CELF2: variants seen among roughly 807,000 people sequenced by gnomAD.
The protein encoded by CELF2 is CUG triplet repeat RNA-binding protein 2.
In CELF2, 8 loss-of-function variants were observed where a neutral mutation model predicts 62.6. That is an observed-to-expected ratio of 0.13 (90% CI 0.07 to 0.23). The LOEUF (loss-of-function observed/expected upper bound fraction) is 0.23, where lower values mean the gene tolerates loss of function less well. CELF2 is among the 10% of genes least tolerant of loss of function. CELF2 has a pLI of 1.00. For synonymous variants in CELF2, 258 were observed against 250.0 expected (o/e 1.03, Z -0.30); for missense variants, 333 against 671.0 (o/e 0.50, Z 5.56).
At chr10:11,225,231 G>A (rs1469693956) in intron 3 of CELF2, among the ~76,000 whole-genome samples, 2 of 151,956 alleles carry the variant, frequency 1.3e-5, no homozygotes, top group African/African-American at 4.8e-5. Context: ...GGGACACTGT[G>A]ACAAAGGCTC....
the CELF2 span, among the ~76,000 whole-genome samples, chr10:10,659,518 C>T: frequency 6.6e-6 from 1 of 152,146 alleles, no homozygotes; most frequent in African/African-American, 2.4e-5. Context: ...AATCGCTCCT[C>T]TTATTATGGG....
chr10:11,262,242 T>C (rs1047123480), intron 5 of CELF2, among the ~76,000 whole-genome samples: 3 of 152,308 alleles, frequency 2.0e-5, no homozygotes, highest in East Asian at 1.9e-4. Context: ...TTTTGTCATA[T>C]CTGATCAGAA....
chr10:10,500,984 T>C, the CELF2 span, among the ~76,000 whole-genome samples: 1 of 152,246 alleles, frequency 6.6e-6, no homozygotes, highest in African/African-American at 2.4e-5. Context: ...TAGTATTCCA[T>C]GGTACGGATG....
the CELF2 span, among the ~76,000 whole-genome samples, chr10:10,462,891 T>C: frequency 6.6e-6 from 1 of 152,102 alleles, no homozygotes; most frequent in African/African-American, 2.4e-5. Context: ...GTTGATTGTT[T>C]GGAGTTGCGG....
At chr10:10,466,023 A>G in the CELF2 span, among the ~76,000 whole-genome samples, 1 of 152,144 alleles carries the variant, frequency 6.6e-6, no homozygotes, top group African/African-American at 2.4e-5. Context: ...TGCTTCTTAC[A>G]TGTGATCCAA....
chr10:10,872,838 G>T (rs2060839794), intron 1 of CELF2, among the ~76,000 whole-genome samples: 1 of 152,322 alleles, frequency 6.6e-6, no homozygotes, highest in East Asian at 1.9e-4. Flanking sequence ...ATGGAGCAAT[G>T]TTTTGTGCCT....
At chr10:10,806,082 G>C (rs995595147) in intron 1 of CELF2, among the ~76,000 whole-genome samples, 1 of 152,178 alleles carries the variant, frequency 6.6e-6, no homozygotes, top group Admixed American at 6.5e-5. Flanking sequence ...GAAGGGCAAT[G>C]GCAGTCAGAC....
the CELF2 span, among the ~76,000 whole-genome samples, chr10:10,508,692 G>A: frequency 1.2e-5 from 1 of 82,718 alleles, no homozygotes; most frequent in Non-Finnish European, 2.5e-5. Context: ...GTGTGTGTGT[G>A]TGTGTGTGTG....
the CELF2 span, among the ~76,000 whole-genome samples, chr10:10,723,627 C>T: frequency 6.6e-6 from 1 of 152,090 alleles, no homozygotes; most frequent in African/African-American, 2.4e-5. Flanking sequence ...AAGCACATAA[C>T]TCCACCACTT....
At chr10:10,804,414 A>G (rs2054991737) in intron 1 of CELF2, among the ~76,000 whole-genome samples, 1 of 152,248 alleles carries the variant, frequency 6.6e-6, no homozygotes, top group South Asian at 2.1e-4. Flanking sequence ...GACTAGCAGG[A>G]AAATAGAAGT....
chr10:10,480,078 G>A, the CELF2 span, among the ~76,000 whole-genome samples: 11 of 152,204 alleles, frequency 7.2e-5, no homozygotes, highest in African/African-American at 2.6e-4. Context: ...GACTTCAGCG[G>A]GTCTTCGGAA....
intron 1 of CELF2, among the ~76,000 whole-genome samples, chr10:11,132,463 A>T (rs923255097): frequency 6.6e-6 from 1 of 152,220 alleles, no homozygotes; most frequent in Non-Finnish European, 1.5e-5. Context: ...CAACCAAGGG[A>T]TACAAATTAA....
intron 3 of CELF2, among the ~76,000 whole-genome samples, chr10:11,221,230 A>G (rs561264258): frequency 5.9e-5 from 9 of 152,198 alleles, no homozygotes; most frequent in Non-Finnish European, 1.2e-4. Context: ...TGATATGTCA[A>G]TTTGGGGTTA....
intron 1 of CELF2, among the ~76,000 whole-genome samples, chr10:10,891,293 C>A (rs1023800048): frequency 6.6e-6 from 1 of 152,124 alleles, no homozygotes; most frequent in African/African-American, 2.4e-5. Context: ...GAGCAAGCAA[C>A]ACTAACTTAG....
chr10:11,081,581 G>C (rs896760411), intron 1 of CELF2, among the ~76,000 whole-genome samples: 1 of 152,014 alleles, frequency 6.6e-6, no homozygotes, highest in African/African-American at 2.4e-5. Flanking sequence ...GAAGAGTTGA[G>C]ATAGAAAAAA....
intron 7 of CELF2, among the ~76,000 whole-genome samples, chr10:11,272,852 C>T (rs2084359950): frequency 6.6e-6 from 1 of 152,182 alleles, no homozygotes; most frequent in South Asian, 2.1e-4. Context: ...CAGGTATTTC[C>T]ACTTACCTCA....
rs1042357863 is a variant in CELF2, at chr10:11,086,579, A to T, written c.74+68416A>T. On this transcript the variant is annotated intron_variant, in intron 1 of 12. Transcript: ENST00000633077. ...ATCCATGTCTCCATTTGCATTTGTT[A>T]AAAAAAAAAAAAAAAAAAAAAAAAA... is the stretch of plus-strand genomic sequence containing the variant. 4.0e-3 allele frequency among the ~76,000 whole-genome samples: 103 copies of T among 25,704 alleles called. 1 individual carries two copies. The highest frequency in any genetic ancestry group is 0.021 in the Middle Eastern group (1 of 48). The allele number at this position is 25,704 out of a possible 152,430, so 16.9% of individuals were successfully genotyped here.
At chr10:10,778,728 A>C in the CELF2 span, among the ~76,000 whole-genome samples, 2 of 152,228 alleles carry the variant, frequency 1.3e-5, no homozygotes, top group East Asian at 1.9e-4. Context: ...ATAAATTTTT[A>C]AGACCAAAAA....
At chr10:10,729,084 T>C in the CELF2 span, among the ~76,000 whole-genome samples, 3 of 152,172 alleles carry the variant, frequency 2.0e-5, no homozygotes, top group African/African-American at 7.2e-5. Flanking sequence ...AAAATATCAA[T>C]GACAGATGTA....
Sources: gnomAD v4.1 joint callset for allele counts (sites outside exome capture counted in the v4.1 genomes callset) on GRCh38, gnomAD v4.1.1 for gene constraint, MANE v1.5 for transcripts, NCBI Gene and HGNC (gene_info 2026-07-23, HGNC 2026-07-21) for gene names.